RNF103: variants seen among roughly 807,000 people sequenced by gnomAD.
RNF103 encodes E3 ubiquitin-protein ligase RNF103.
In RNF103, 23 loss-of-function variants were observed where a neutral mutation model predicts 66.2. The observed-to-expected ratio is 0.35, with a 90% CI of 0.25 to 0.49. The LOEUF (loss-of-function observed/expected upper bound fraction) is 0.49. Among genes scored for constraint, RNF103 ranks in the 20% least tolerant of loss-of-function variants. The pLI is 0.98. For missense variants in RNF103, 730 were observed against 814.7 expected, an observed-to-expected ratio of 0.90 and a Z score of 1.27; for synonymous variants, 297 against 289.9, an observed-to-expected ratio of 1.02 and a Z score of -0.25.
At chr2:86,615,355 C>T in intron 2 of RNF103, 1 of 439,012 alleles carries the variant, frequency 2.3e-6, no homozygotes, top group Non-Finnish European at 3.0e-6. Flanking sequence ...CAATGTCCTA[C>T]ATAGTTATAT....
rs1263642216 is a variant in RNF103 at position 86,622,749 on chromosome 2, C to T, written c.138G>A (p.Lys46=). The T allele has an allele frequency of 5.6e-6, 9 of 1,614,068 alleles. No individual in the cohort carries two copies. The highest frequency in any genetic ancestry group is 7.6e-6 in the Non-Finnish European group (9 of 1,180,030). The part of the protein sequence containing the change: ...QLVDPVALSF[K]KLKTILECRG... ...GGCACTCCAAAATGGTCTTCAGCTT[C>T]TTGAAGCTCAGCGCCACCGGATCCA... Residue 46 remains lysine (K), a synonymous_variant, in exon 1 of 4, where the codon AAG becomes AAA. Coordinates refer to ENST00000237455, the MANE Select transcript of RNF103 (RefSeq NM_005667.4).
chr2:86,607,038 C>A (rs1021524950), intron 3 of RNF103, among the ~76,000 whole-genome samples: 2 of 152,106 alleles, frequency 1.3e-5, no homozygotes, highest in Non-Finnish European at 2.9e-5. Flanking sequence ...ATGTACCACA[C>A]AGAAGAGTTA....
chr2:86,612,299 A>C (rs1678828587), intron 2 of RNF103, 25 bp from the exon 3 acceptor site: 1 of 1,420,180 alleles, frequency 7.0e-7, no homozygotes, highest in Admixed American at 1.9e-5. Context: ...AGAGAAAAAG[A>C]AACTTGAATT....
chr2:86,609,799 C>G (rs1678720250), intron 3 of RNF103, among the ~76,000 whole-genome samples: 1 of 152,118 alleles, frequency 6.6e-6, no homozygotes, highest in Admixed American at 6.6e-5. Flanking sequence ...GAGGCCACCC[C>G]AGAGAAGGGA....
In RNF103 at chr2:86,623,014, C is replaced by A; in HGVS notation, c.-128G>T. 1.5e-6 allele frequency: 2 copies of A among 1,362,926 alleles called. No homozygotes were observed. The highest frequency in any genetic ancestry group is 1.9e-6 in the Non-Finnish European group (2 of 1,063,610). 84.4% of individuals were successfully genotyped at this position (1,362,926 alleles called of 1,614,324 possible). A position where few individuals can be genotyped will look rare whatever the true frequency, so the allele number is the denominator to read the frequency against. On this transcript the variant is annotated 5_prime_UTR_variant, in exon 1 of 4. Transcript: ENST00000237455. ...TGTCCACGCGCGGGCCACCCGGCGC[C>A]GTCACTGGCCGGCCATCCCCGGCGG...
chr2:86,623,772 C>T lies in RNF103; in HGVS notation c.-886G>A, dbSNP rs748456092. The T allele has an allele frequency of 7.8e-7, 1 of 1,282,966 alleles. No homozygotes were observed. Among genetic ancestry groups the T allele is most frequent in the South Asian group, 1.2e-5 (1 of 80,476 alleles). 79.5% of individuals were successfully genotyped at this position (1,282,966 alleles called of 1,614,324 possible). ...CGGATGGGCAGTGCCGGTCGCAGCA[C>T]CCGTCCCCAACACCCCCGCCACCTC... On this transcript the variant is annotated 5_prime_UTR_variant, in exon 1 of 4. The change creates a new upstream start codon in the 5' untranslated region. Transcript: ENST00000237455.
Position 86,623,291 on chromosome 2 carries a change from A to G in RNF103, c.-405T>C. 1 of 991,800 alleles carries G rather than the reference A, an allele frequency of 1.0e-6. No individual in the cohort carries two copies. Among genetic ancestry groups the G allele is most frequent in the African/African-American group, 1.7e-5 (1 of 57,270 alleles). The allele number at this position is 991,800 out of a possible 1,614,324, so 61.4% of individuals were successfully genotyped here. A position where few individuals can be genotyped will look rare whatever the true frequency, so the allele number is the denominator to read the frequency against. The stretch of plus-strand genomic sequence containing the variant: ...TCGGCCCTCCGGTGCCGCGATCTCA[A>G]GGGGGAGGGGGAGACCAAAAAATAA... On this transcript the variant is annotated 5_prime_UTR_variant, in exon 1 of 4. Transcript: ENST00000237455.
chr2:86,613,921 A>G (rs1236296414), intron 2 of RNF103: 2 of 152,106 alleles, frequency 1.3e-5, no homozygotes, highest in Non-Finnish European at 2.9e-5. Flanking sequence ...CATTAAGCAA[A>G]TGGTTTTGAT....
chr2:86,623,312 A>G lies in RNF103; in HGVS notation c.-426T>C, dbSNP rs1327585486. On this transcript the variant is annotated 5_prime_UTR_variant, in exon 1 of 4. Transcript: ENST00000237455. Reference sequence around the variant, plus strand: ...CTCAAGGGGGAGGGGGAGACCAAAAAATAACTCAGATCCGCCCAGGAGGCG... The same window carrying G: ...CTCAAGGGGGAGGGGGAGACCAAAAGATAACTCAGATCCGCCCAGGAGGCG... The G allele has an allele frequency of 5.1e-5, 50 of 988,058 alleles. No homozygotes were observed. In the Admixed American group the frequency reaches 3.0e-3, roughly 60 times the overall value. The allele number at this position is 988,058 out of a possible 1,614,324, so 61.2% of individuals were successfully genotyped here. A position where few individuals can be genotyped will look rare whatever the true frequency, so the allele number is the denominator to read the frequency against.
Position 86,622,791 on chromosome 2 carries a change from G to A in RNF103, c.96C>T (p.Ile32=), listed in dbSNP as rs1679281465. Residue 32 remains isoleucine (I), a synonymous_variant, in exon 1 of 4, where the codon ATC becomes ATT. Coordinates refer to ENST00000237455, the MANE Select transcript of RNF103 (RefSeq NM_005667.4). ...FEAIVWYETG[I]FATQLVDPVA... is the part of the protein sequence containing the mutation. ...CCGGATCCACCAGCTGGGTGGCAAAGATGCCAGTTTCATACCACACAATGG... is the reference window on the plus strand; with the variant it reads ...CCGGATCCACCAGCTGGGTGGCAAAAATGCCAGTTTCATACCACACAATGG... The A allele has an allele frequency of 6.2e-7, 1 of 1,614,178 alleles. No individual in the cohort carries two copies. Among genetic ancestry groups the A allele is most frequent in the East Asian group, 2.2e-5 (1 of 44,888 alleles).
Position 86,604,974 on chromosome 2 carries a change from A to C in RNF103, c.927T>G (p.Leu309=). 1.2e-5 allele frequency: 19 copies of C among 1,614,174 alleles called. No homozygotes were observed. The highest frequency in any genetic ancestry group is 1.6e-5 in the Non-Finnish European group (19 of 1,180,024). ...AGCGCAAAAATGAATCCATGGCCTG[A>C]AGGGATATAAATTCGCCTGTGTGGT... ...YGNHTGEFIS[L]QAMDSFLRSL... The change falls in exon 4 of 4, where the codon CTT becomes CTG. Residue 309 remains leucine, a synonymous_variant. Coordinates refer to ENST00000237455, the MANE Select transcript of RNF103 (RefSeq NM_005667.4).
At chr2:86,614,902 A>C (rs1289543412) in intron 2 of RNF103, 2 of 985,422 alleles carry the variant, frequency 2.0e-6, no homozygotes, top group East Asian at 2.3e-4. Context: ...CAAATAACCC[A>C]AACATTTCAG....
At position 86,613,300 on chromosome 2, in the gene RNF103, A is replaced by G. The variant is rs1002786549; in HGVS notation, c.367-1026T>C. 13 of 152,166 alleles carry G rather than the reference A, an allele frequency of 8.5e-5. 1 individual carries two copies. Among genetic ancestry groups the G allele is most frequent in the African/African-American group, 2.9e-4 (12 of 41,416 alleles). 9.4% of individuals were successfully genotyped at this position (152,166 alleles called of 1,614,324 possible). ...CTTATAAGTGTCAGCCTTTCTAATC[A>G]TTACCACCTTTTCCCTTTATCTCCT... On this transcript the variant is annotated intron_variant, in intron 2 of 3. Coordinates refer to ENST00000237455, the MANE Select transcript of RNF103 (RefSeq NM_005667.4).
At position 86,620,456 on chromosome 2, in the gene RNF103, C is replaced by A; in HGVS notation, c.240G>T (p.Glu80Asp). 1 of 1,582,940 alleles carries A rather than the reference C, an allele frequency of 6.3e-7. No homozygotes were observed. The highest frequency in any genetic ancestry group is 1.3e-5 in the African/African-American group (1 of 74,564). The part of the protein sequence containing the change: ...ELVEKSGDLM[E>D]GELYSALKEE... ...CCTTGAGAGCAGAATAGAGCTCACC[C>A]TCCATCAAGTCACCTGAAGAAAGGA... is the stretch of plus-strand genomic sequence containing the variant. Residue 80 changes from glutamate (E) to aspartate (D), a missense_variant, in exon 2 of 4, where the codon GAG (glutamate) becomes GAT (aspartate). Physicochemically the swap from Glu to Asp is conservative, Grantham distance 45 (BLOSUM62 2). This residue lies in a region of RNF103 where 327 missense variants were observed against 369.8 expected (regional missense o/e 0.88). Coordinates refer to ENST00000237455, the MANE Select transcript of RNF103 (RefSeq NM_005667.4).
Position 86,604,060 on chromosome 2 carries a change from T to C in RNF103, c.1841A>G (p.Asp614Gly). 6.2e-7 allele frequency: 1 copy of C among 1,614,044 alleles called. No individual in the cohort carries two copies. The highest frequency in any genetic ancestry group is 8.5e-7 in the Non-Finnish European group (1 of 1,180,034). ...AACACATTCAGTACAGTGCAGCATA[T>C]CAGCAGGCCAAGTTAACCAATCAGG... ...MEPDWLTWPA[D>G]MLHCTECVVC... The change falls in exon 4 of 4, where the codon GAT (aspartate) becomes GGT (glycine). Residue 614 changes from aspartate to glycine, a missense_variant. Asp to Gly is a moderately conservative substitution (Grantham distance 94). Around this residue, in one of 3 missense-constraint regions of RNF103, gnomAD observed 355 missense variants for 351.9 expected, o/e 1.01. Transcript: ENST00000237455.
rs1197421255 is a variant in RNF103, at chr2:86,603,803, G to GT, written c.*39dup. The GT allele has an allele frequency of 3.2e-6, 5 of 1,559,378 alleles. No individual in the cohort carries two copies. The highest frequency in any genetic ancestry group is 4.3e-6 in the Non-Finnish European group (5 of 1,156,850). The stretch of plus-strand genomic sequence containing the variant: ...GTGACTAACATTAAAAAGGCAAGCT[G>GT]TAAGATACTCAAAGCTTATAAAGGA... On this transcript the variant is annotated 3_prime_UTR_variant, in exon 4 of 4. Transcript: ENST00000237455.
At chr2:86,618,138 A>G (rs1397653604) in intron 2 of RNF103, 8 of 289,046 alleles carry the variant, frequency 2.8e-5, no homozygotes, top group Non-Finnish European at 5.8e-5. Context: ...AAATATTTTC[A>G]GAGAAAAAAA....
chr2:86,619,212 G>A lies in RNF103; in HGVS notation c.366+1118C>T, dbSNP rs564577964. ...GCTAGTCAGTGACAGTACCAGACCT[G>A]TAACAGCGACAGTACCAGACCTGCA... On this transcript the variant is annotated intron_variant, in intron 2 of 3. Coordinates refer to ENST00000237455, the MANE Select transcript of RNF103 (RefSeq NM_005667.4). Among the ~76,000 whole-genome samples the A allele has an allele frequency of 3.5e-4, 53 of 152,142 alleles. 1 individual carries two copies. Among genetic ancestry groups the A allele is most frequent in the Non-Finnish European group, 5.6e-4 (38 of 67,994 alleles).
rs1678968250 is a variant in RNF103, at chr2:86,615,178, T to C, written c.367-2904A>G. On this transcript the variant is annotated intron_variant, in intron 2 of 3. Coordinates refer to ENST00000237455, the MANE Select transcript of RNF103 (RefSeq NM_005667.4). ...ACCTGGGGCAGGTACAAGACAATGT[T>C]CAATGCCAGGGCCTTATTTATTCAG... 5 of 985,308 alleles carry C rather than the reference T, an allele frequency of 5.1e-6. No homozygotes were observed. The South Asian group carries it at 1.9e-4, about 37-fold the overall frequency. 61.0% of individuals were successfully genotyped at this position (985,308 alleles called of 1,614,324 possible). A position where few individuals can be genotyped will look rare whatever the true frequency, so the allele number is the denominator to read the frequency against.
Sources: allele counts gnomAD v4.1 joint callset (sites outside exome capture counted in the v4.1 genomes callset), GRCh38; gene constraint gnomAD v4.1.1; regional missense constraint gnomAD v4.1.1; transcripts MANE v1.5; gene names NCBI Gene and HGNC (gene_info 2026-07-23, HGNC 2026-07-21).